Variants in UGT1A7 observed in about 807,000 individuals in gnomAD.
UGT1A7 encodes UDP glucuronosyltransferase family 1 member A7.
Under a neutral mutation model 45.6 loss-of-function variants are expected in UGT1A7, and 33 were observed. The observed-to-expected ratio is 0.72, with a 90% CI of 0.55 to 0.97. The LOEUF (loss-of-function observed/expected upper bound fraction) is 0.97. Ranked by LOEUF, UGT1A7 falls within the 50% of genes least tolerant of loss-of-function variation. The pLI is 0.00. For synonymous variants in UGT1A7, 274 were observed against 250.6 expected (o/e 1.09, Z -0.88); for missense variants, 684 against 666.2 (o/e 1.03, Z -0.29).
chr2:233,682,324 T>G lies in UGT1A7; in HGVS notation c.387T>G (p.Asn129Lys), dbSNP rs17868323. Residue 129 changes from asparagine (N) to lysine (K), a missense_variant, in exon 1 of 5, where the codon AAT becomes AAG. Asn to Lys is a moderately conservative substitution (Grantham distance 94). Coordinates refer to ENST00000373426, the MANE Select transcript of UGT1A7 (RefSeq NM_019077.3). Reference protein sequence around the residue: ...LFFSNCRSLFNDRKLVEYLKE... With the variant: ...LFFSNCRSLFKDRKLVEYLKE... ...TTTCAAATTGCAGGAGTTTGTTTAA[T>G]GACCGAAAATTAGTAGAATACTTAA... 1,002,404 of 1,612,848 alleles carry G rather than the reference T, an allele frequency of 0.62. 314,252 individuals carry two copies. The highest frequency in any genetic ancestry group is 0.65 in the South Asian group (59,099 of 91,048).
chr2:233,718,890 C>A (rs6755571), intron 1 of UGT1A7: 85,148 of 1,613,968 alleles, frequency 0.053, 2,693 homozygotes, highest in Non-Finnish European at 0.063. Flanking sequence ...CAGTGTCCAG[C>A]CCTGGGCTGA....
chr2:233,712,864 G>A, intron 1 of UGT1A7: 1 of 1,572,064 alleles, frequency 6.4e-7, no homozygotes, highest in Non-Finnish European at 8.6e-7. Context: ...AACTGGAGGA[G>A]GGCACTCTGT....
intron 1 of UGT1A7, chr2:233,742,978 TA>T: frequency 8.7e-6 from 2 of 230,188 alleles, no homozygotes; most frequent in Non-Finnish European, 1.7e-5. Flanking sequence ...GGCTTAAGTT[TA>T]ATAAATAGCA....
intron 1 of UGT1A7, among the ~76,000 whole-genome samples, chr2:233,734,366 T>C (rs578211263): frequency 4.6e-5 from 7 of 152,208 alleles, no homozygotes; most frequent in Non-Finnish European, 1.0e-4. Flanking sequence ...GGATCGGTGG[T>C]GATATTGCCT....
rs2075120716 is a variant in UGT1A7 at position 233,692,935 on chromosome 2, A to G, written c.855+10143A>G. 4 of 1,587,686 alleles carry G rather than the reference A, an allele frequency of 2.5e-6. No homozygotes were observed. The South Asian group carries it at 4.8e-5, about 19-fold the overall frequency. On this transcript the variant is annotated intron_variant, in intron 1 of 4. Transcript: ENST00000373426. ...AAAAGCAGTGGTTAGTTTAGGGAAA[A>G]TACCTAGGAGCCCTGTGATTTGGAG...
intron 1 of UGT1A7, among the ~76,000 whole-genome samples, chr2:233,715,449 T>C (rs2076452367): frequency 6.6e-6 from 1 of 152,180 alleles, no homozygotes; most frequent in African/African-American, 2.4e-5. Context: ...TCCTATGTTA[T>C]TTTTTGAATT....
intron 1 of UGT1A7, among the ~76,000 whole-genome samples, chr2:233,695,260 G>A (rs2075276345): frequency 6.6e-6 from 1 of 151,658 alleles, no homozygotes; most frequent in Non-Finnish European, 1.5e-5. Context: ...TGAGTAGCTG[G>A]GACTATAGGC....
At chr2:233,747,834 C>A (rs367969485) in intron 1 of UGT1A7, 5 of 1,613,520 alleles carry the variant, frequency 3.1e-6, no homozygotes, top group South Asian at 1.1e-5. Context: ...CATGACATTC[C>A]TGCAAAGGGT....
At chr2:233,755,269 T>C in intron 1 of UGT1A7, 1 of 759,984 alleles carries the variant, frequency 1.3e-6, no homozygotes, top group East Asian at 5.3e-5. Context: ...TAGTCCACTA[T>C]GCTGGACTGC....
At position 233,682,460 on chromosome 2, in the gene UGT1A7, C is replaced by T. The variant is rs774646173; in HGVS notation, c.523C>T (p.His175Tyr). ...SVVFARGIFCHYLEEGAQCPA... is the reference protein window; with the variant it reads ...SVVFARGIFCYYLEEGAQCPA... ...GGTCTTCGCCAGGGGAATATTTTGC[C>T]ACTATCTTGAAGAAGGTGCACAGTG... The change falls in exon 1 of 5, where the codon CAC (histidine) becomes TAC (tyrosine). Residue 175 changes from histidine (H) to tyrosine (Y), a missense_variant. Coordinates refer to ENST00000373426, the MANE Select transcript of UGT1A7 (RefSeq NM_019077.3). 1 of 1,613,832 alleles carries T rather than the reference C, an allele frequency of 6.2e-7. No individual in the cohort carries two copies. Among genetic ancestry groups the T allele is most frequent in the South Asian group, 1.1e-5 (1 of 91,064 alleles).
chr2:233,736,749 T>C (rs1395071479), intron 1 of UGT1A7, among the ~76,000 whole-genome samples: 1 of 152,196 alleles, frequency 6.6e-6, no homozygotes, highest in African/African-American at 2.4e-5. Flanking sequence ...TTTCTGTTTG[T>C]TAGTTTTCCT....
intron 1 of UGT1A7, among the ~76,000 whole-genome samples, chr2:233,732,565 C>G (rs891048525): frequency 2.0e-5 from 3 of 152,178 alleles, no homozygotes; most frequent in African/African-American, 7.2e-5. Context: ...AATAAGGAAT[C>G]CTTTCCCCAT....
chr2:233,704,835 A>AT, intron 1 of UGT1A7, among the ~76,000 whole-genome samples: 1 of 152,086 alleles, frequency 6.6e-6, no homozygotes, highest in Non-Finnish European at 1.5e-5. Context: ...TGCTTTTAAA[A>AT]TCAGTTAAGA....
intron 1 of UGT1A7, among the ~76,000 whole-genome samples, chr2:233,761,536 A>G (rs1039884807): frequency 6.6e-6 from 1 of 152,248 alleles, no homozygotes; most frequent in Non-Finnish European, 1.5e-5. Context: ...TGATGAAATC[A>G]TTCTTTGATG....
intron 1 of UGT1A7, among the ~76,000 whole-genome samples, chr2:233,717,599 A>T (rs1437160021): frequency 6.6e-6 from 1 of 152,232 alleles, no homozygotes; most frequent in African/African-American, 2.4e-5. Flanking sequence ...TGAGATGGAA[A>T]GTGGGCACAG....
At chr2:233,734,939 T>C (rs1485596557) in intron 1 of UGT1A7, among the ~76,000 whole-genome samples, 1 of 152,222 alleles carries the variant, frequency 6.6e-6, no homozygotes, top group Non-Finnish European at 1.5e-5. Flanking sequence ...TACAATCATA[T>C]GGTCAGTTTT....
At chr2:233,712,692 T>C (rs1221158170) in intron 1 of UGT1A7, among the ~76,000 whole-genome samples, 1 of 152,126 alleles carries the variant, frequency 6.6e-6, no homozygotes, top group Non-Finnish European at 1.5e-5. Context: ...AAATGGGGGT[T>C]CACAGCCTTG....
chr2:233,733,189 C>T (rs2078364598), intron 1 of UGT1A7, among the ~76,000 whole-genome samples: 1 of 152,198 alleles, frequency 6.6e-6, no homozygotes, highest in African/African-American at 2.4e-5. Context: ...AGTTGCTTAT[C>T]AGCTTAAGGA....
intron 1 of UGT1A7, chr2:233,741,805 CTTAA>C (rs1691775177): frequency 6.6e-6 from 1 of 151,910 alleles, no homozygotes; most frequent in African/African-American, 2.4e-5. Flanking sequence ...GCATGCTGCT[CTTAA>C]TTTTTTTCAG....
Sources: gnomAD v4.1 joint callset for allele counts (sites outside exome capture counted in the v4.1 genomes callset) on GRCh38, gnomAD v4.1.1 for gene constraint, MANE v1.5 for transcripts, NCBI Gene and HGNC (gene_info 2026-07-23, HGNC 2026-07-21) for gene names.